LY86: variants seen among roughly 807,000 people sequenced by gnomAD.
The protein encoded by LY86 is MD-1, RP105-associated.
In LY86, 20 loss-of-function variants were observed where a neutral mutation model predicts 17.3. The observed-to-expected ratio is 1.15, with a 90% CI of 0.81 to 1.68. The LOEUF (loss-of-function observed/expected upper bound fraction) is 1.68. Ranked by LOEUF, LY86 falls within the 40% of genes most tolerant of loss-of-function variation. The pLI is 0.00. For missense variants in LY86, 200 were observed against 191.9 expected, an observed-to-expected ratio of 1.04 and a Z score of -0.25; for synonymous variants, 74 against 70.6, an observed-to-expected ratio of 1.05 and a Z score of -0.24.
At chr6:6,620,414 A>T (rs146006054) in intron 1 of LY86, among the ~76,000 whole-genome samples, 63 of 152,356 alleles carry the variant, frequency 4.1e-4, no homozygotes, top group African/African-American at 1.3e-3. Flanking sequence ...GCCCTCCTCT[A>T]TGCCTCAAAC....
At chr6:6,609,629 T>C (rs1761282256) in intron 1 of LY86, among the ~76,000 whole-genome samples, 1 of 152,152 alleles carries the variant, frequency 6.6e-6, no homozygotes, top group Non-Finnish European at 1.5e-5. Context: ...GGAGGCTGTT[T>C]ATGAGTCAGC....
chr6:6,605,943 A>G (rs1252476060), intron 1 of LY86, among the ~76,000 whole-genome samples: 1 of 152,188 alleles, frequency 6.6e-6, no homozygotes, highest in African/African-American at 2.4e-5. Context: ...AGTATGGGTT[A>G]TAACTCATAA....
At chr6:6,599,250 A>G (rs1303226201) in intron 1 of LY86, among the ~76,000 whole-genome samples, 1 of 152,214 alleles carries the variant, frequency 6.6e-6, no homozygotes, top group East Asian at 1.9e-4. Context: ...GTAATTCTGA[A>G]AGACAGAATC....
Position 6,654,842 on chromosome 6 carries a change from G to T in LY86, c.*215G>T, listed in dbSNP as rs945971816. 1.8e-6 allele frequency: 1 copy of T among 549,686 alleles called. No homozygotes were observed. Among genetic ancestry groups the T allele is most frequent in the Non-Finnish European group, 3.2e-6 (1 of 310,478 alleles). The allele number at this position is 549,686 out of a possible 1,614,324, so 34.1% of individuals were successfully genotyped here. Reference sequence around the variant, plus strand: ...AGTCCCCGAATGTATCTGTTTCTAAGGAGCCTCTTGGCAGTCCTTAAGCAG... The same window carrying T: ...AGTCCCCGAATGTATCTGTTTCTAATGAGCCTCTTGGCAGTCCTTAAGCAG... On this transcript the variant is annotated 3_prime_UTR_variant, in exon 5 of 5. Coordinates refer to ENST00000230568, the MANE Select transcript of LY86 (RefSeq NM_004271.4).
intron 3 of LY86, among the ~76,000 whole-genome samples, chr6:6,647,803 G>A (rs765648969): frequency 3.3e-5 from 5 of 152,012 alleles, no homozygotes; most frequent in Non-Finnish European, 5.9e-5. Context: ...TTTGGGTGAG[G>A]GAGGCATCTC....
intron 1 of LY86, among the ~76,000 whole-genome samples, chr6:6,604,779 G>A (rs938662367): frequency 6.6e-5 from 10 of 150,380 alleles, no homozygotes; most frequent in African/African-American, 2.5e-4. Flanking sequence ...GTTTCCCAGA[G>A]ATTCGTAAAA....
At chr6:6,624,375 A>ATGGGATGGGATGGGATGGGATGGGT (rs1761742049) in intron 1 of LY86, among the ~76,000 whole-genome samples, 1 of 75,924 alleles carries the variant, frequency 1.3e-5, no homozygotes, top group African/African-American at 1.0e-4. Flanking sequence ...ATTACATTAA[A>ATGGGATGGGATGGGATGGGATGGGT]TGGGATGGGA....
At chr6:6,590,586 T>C (rs1461435565) in intron 1 of LY86, among the ~76,000 whole-genome samples, 1 of 152,106 alleles carries the variant, frequency 6.6e-6, no homozygotes, top group Non-Finnish European at 1.5e-5. Flanking sequence ...CATACAGGGC[T>C]CCCAAGTGGG....
chr6:6,618,102 A>T (rs978770565), intron 1 of LY86, among the ~76,000 whole-genome samples: 1 of 152,148 alleles, frequency 6.6e-6, no homozygotes, highest in Non-Finnish European at 1.5e-5. Flanking sequence ...CGGCCTCCCA[A>T]AGTGCTGGGA....
At chr6:6,606,863 A>C (rs919019742) in intron 1 of LY86, among the ~76,000 whole-genome samples, 111 of 152,376 alleles carry the variant, frequency 7.3e-4, no homozygotes, top group African/African-American at 2.5e-3. Context: ...CAGCCCAGAA[A>C]GGGGCTCCCA....
Position 6,626,388 on chromosome 6 carries a change from C to A in LY86, c.319C>A (p.Pro107Thr). The A allele has an allele frequency of 1.2e-6, 2 of 1,613,930 alleles. No homozygotes were observed. Among genetic ancestry groups the A allele is most frequent in the Non-Finnish European group, 1.7e-6 (2 of 1,179,982 alleles). Reference sequence around the variant, plus strand: ...CTATCCCATCTGTGAGGCGGCTCTGCCCAAGTTTTCTTTCTGTGGAAGAAG... The same window carrying A: ...CTATCCCATCTGTGAGGCGGCTCTGACCAAGTTTTCTTTCTGTGGAAGAAG... ...FSYPICEAAL[P>T]KFSFCGRRKG... Residue 107 changes from proline to threonine, a missense_variant, in exon 3 of 5, where the codon CCC (proline) becomes ACC (threonine). Pro to Thr is a conservative substitution (Grantham distance 38). Transcript: ENST00000230568.
intron 1 of LY86, among the ~76,000 whole-genome samples, chr6:6,598,224 AT>A (rs1299084072): frequency 6.6e-6 from 1 of 152,210 alleles, no homozygotes. Flanking sequence ...AATATAGCAG[AT>A]TTTTTTAATT....
intron 1 of LY86, among the ~76,000 whole-genome samples, chr6:6,601,581 G>A (rs1453203187): frequency 1.3e-5 from 2 of 152,126 alleles, no homozygotes; most frequent in African/African-American, 2.4e-5. Flanking sequence ...TTAGCCAGGC[G>A]CAGTGGTGGG....
At chr6:6,604,284 A>G (rs1480341240) in intron 1 of LY86, among the ~76,000 whole-genome samples, 1 of 152,218 alleles carries the variant, frequency 6.6e-6, no homozygotes, top group Non-Finnish European at 1.5e-5. Flanking sequence ...TTCTACATCC[A>G]AAGATATTAG....
chr6:6,632,236 A>G (rs1039647800), intron 3 of LY86, among the ~76,000 whole-genome samples: 9 of 152,226 alleles, frequency 5.9e-5, no homozygotes, highest in African/African-American at 2.2e-4. Context: ...GGCAGCTGGC[A>G]GGAGGAAGAG....
chr6:6,626,351 T>C lies in LY86; in HGVS notation c.282T>C (p.Val94=), dbSNP rs766269972. The change falls in exon 3 of 5, where the codon GTT becomes GTC. Residue 94 remains valine (V), a synonymous_variant. Coordinates refer to ENST00000230568, the MANE Select transcript of LY86 (RefSeq NM_004271.4). ...CTCTCATGTCTCAAGGCTCATCTGT[T>C]TTGAATTTCTCCTATCCCATCTGTG... ...DLALMSQGSS[V]LNFSYPICEA... 6.2e-7 allele frequency: 1 copy of C among 1,614,078 alleles called. No homozygotes were observed. Among genetic ancestry groups the C allele is most frequent in the East Asian group, 2.2e-5 (1 of 44,886 alleles).
At chr6:6,603,842 T>C (rs992864852) in intron 1 of LY86, among the ~76,000 whole-genome samples, 1 of 151,562 alleles carries the variant, frequency 6.6e-6, no homozygotes, top group African/African-American at 2.4e-5. Context: ...AAAAAAATAA[T>C]AGTAATAAAT....
chr6:6,609,626 G>A (rs1371624892), intron 1 of LY86, among the ~76,000 whole-genome samples: 14 of 152,188 alleles, frequency 9.2e-5, no homozygotes, highest in Admixed American at 8.5e-4. Context: ...AAAGGAGGCT[G>A]TTTATGAGTC....
In LY86 at chr6:6,649,666, A is replaced by G. The variant is rs146986566; in HGVS notation, c.394A>G (p.Thr132Ala). 2 of 1,568,820 alleles carry G rather than the reference A, an allele frequency of 1.3e-6. No homozygotes were observed. Among genetic ancestry groups the G allele is most frequent in the Non-Finnish European group, 1.7e-6 (2 of 1,143,552 alleles). ...TGGGCCTGTCAATAATCCTGAATTTACTATTCCTCAGGTAAGATATTACTT... is the reference window on the plus strand; with the variant it reads ...TGGGCCTGTCAATAATCCTGAATTTGCTATTCCTCAGGTAAGATATTACTT... ...YAGPVNNPEFTIPQGEYQVLL... is the reference protein window; with the variant it reads ...YAGPVNNPEFAIPQGEYQVLL... The change falls in exon 4 of 5, where the codon ACT becomes GCT. Residue 132 changes from threonine to alanine, a missense_variant. Transcript: ENST00000230568.
Sources: gnomAD v4.1 joint callset for allele counts (sites outside exome capture counted in the v4.1 genomes callset) on GRCh38, gnomAD v4.1.1 for gene constraint, MANE v1.5 for transcripts, NCBI Gene and HGNC (gene_info 2026-07-23, HGNC 2026-07-21) for gene names.